ZNF407: variants seen among roughly 807,000 people sequenced by gnomAD.
The protein encoded by ZNF407 is zinc finger protein 407.
ZNF407 carries 17 observed loss-of-function variants against 131.2 expected under a neutral mutation model. That is an observed-to-expected ratio of 0.13 (90% CI 0.09 to 0.19). ZNF407 has a LOEUF of 0.19. Ranked by LOEUF, ZNF407 falls within the 10% of genes least tolerant of loss-of-function variation. The pLI, the probability that ZNF407 is intolerant of heterozygous loss-of-function variation, is 1.00. For missense variants in ZNF407, 2,681 were observed against 2,830.6 expected (o/e 0.95, Z 1.20); for synonymous variants, 1,156 against 1,062.0 (o/e 1.09, Z -1.72).
chr18:74,709,511 G>A (rs189905224), intron 3 of ZNF407, among the ~76,000 whole-genome samples: 50 of 152,298 alleles, frequency 3.3e-4, no homozygotes, highest in Admixed American at 1.5e-3. Context: ...ATGATTAAAT[G>A]GTTAAGCTGC....
At chr18:74,743,845 TTGTGA>T (rs1403022051) in intron 3 of ZNF407, among the ~76,000 whole-genome samples, 1 of 152,036 alleles carries the variant, frequency 6.6e-6, no homozygotes, top group African/African-American at 2.4e-5. Flanking sequence ...ATTTTTGAAA[TTGTGA>T]TGTGTTTTAG....
At chr18:74,937,416 C>T (rs1972051021) in intron 8 of ZNF407, among the ~76,000 whole-genome samples, 1 of 152,126 alleles carries the variant, frequency 6.6e-6, no homozygotes, top group South Asian at 2.1e-4. Flanking sequence ...AAGACTAGCA[C>T]TAGAGTTTGA....
intron 3 of ZNF407, among the ~76,000 whole-genome samples, chr18:74,721,267 C>A (rs771361599): frequency 1.3e-5 from 2 of 151,892 alleles, no homozygotes; most frequent in East Asian, 3.9e-4. Flanking sequence ...CTGTTGTAAA[C>A]GGGACCACTT....
intron 4 of ZNF407, among the ~76,000 whole-genome samples, chr18:74,866,053 C>T (rs73971187): frequency 0.026 from 3,986 of 152,230 alleles, 173 homozygotes; most frequent in African/African-American, 0.089. Flanking sequence ...TTTGTATTTT[C>T]CCTTGAACTT....
intron 3 of ZNF407, among the ~76,000 whole-genome samples, chr18:74,723,814 G>T (rs1454177495): frequency 1.3e-5 from 2 of 151,862 alleles, no homozygotes; most frequent in African/African-American, 2.4e-5. Context: ...GGATATATTT[G>T]CATCATGGTT....
At chr18:74,785,190 T>G (rs1279350705) in intron 4 of ZNF407, among the ~76,000 whole-genome samples, 2 of 152,156 alleles carry the variant, frequency 1.3e-5, no homozygotes, top group Non-Finnish European at 2.9e-5. Context: ...AAACCTTACG[T>G]ATTTCTTCCA....
At position 74,793,301 on chromosome 18, in the gene ZNF407, A is replaced by C. The variant is rs1001371183; in HGVS notation, c.4877+11799A>C. On this transcript the variant is annotated intron_variant, in intron 4 of 8. Transcript: ENST00000299687. ...AGAAATACAAGTTTGGCATAAATCA[A>C]TGTCTGGAGTGTAATATTTTTAGTT... Among the ~76,000 whole-genome samples the C allele has an allele frequency of 2.6e-5, 4 of 152,222 alleles. 1 individual carries two copies. The highest frequency in any genetic ancestry group is 9.6e-5 in the African/African-American group (4 of 41,458).
chr18:74,987,517 C>G (rs866828892), intron 8 of ZNF407, among the ~76,000 whole-genome samples: 4 of 152,104 alleles, frequency 2.6e-5, no homozygotes, highest in South Asian at 4.1e-4. Context: ...CTCTATTGAT[C>G]GGGCTCTGTT....
intron 4 of ZNF407, among the ~76,000 whole-genome samples, chr18:74,847,514 C>G (rs1371148456): frequency 6.6e-6 from 1 of 152,206 alleles, no homozygotes; most frequent in Non-Finnish European, 1.5e-5. Context: ...CAAAATCTTA[C>G]TGGTTCTCAT....
chr18:74,975,904 A>G (rs1972522856), intron 8 of ZNF407, among the ~76,000 whole-genome samples: 1 of 152,230 alleles, frequency 6.6e-6, no homozygotes, highest in African/African-American at 2.4e-5. Context: ...GTTCACAGAG[A>G]TGAACTAGAT....
intron 4 of ZNF407, among the ~76,000 whole-genome samples, chr18:74,794,698 A>G (rs892201532): frequency 3.9e-5 from 6 of 152,288 alleles, no homozygotes; most frequent in African/African-American, 1.4e-4. Context: ...CTGTATCTCC[A>G]TATTTTATAA....
At chr18:74,935,446 C>A (rs1456482511) in intron 8 of ZNF407, among the ~76,000 whole-genome samples, 1 of 152,024 alleles carries the variant, frequency 6.6e-6, no homozygotes, top group Non-Finnish European at 1.5e-5. Context: ...TTTAGATTAA[C>A]CTTGTTGTTC....
chr18:74,617,299 C>A (rs1464533605), intron 1 of ZNF407, among the ~76,000 whole-genome samples: 1 of 152,188 alleles, frequency 6.6e-6, no homozygotes, highest in Non-Finnish European at 1.5e-5. Context: ...TTTTCTCTTA[C>A]GTGACTGTGG....
At chr18:74,799,921 T>TTTA (rs1204976308) in intron 4 of ZNF407, among the ~76,000 whole-genome samples, 1 of 150,210 alleles carries the variant, frequency 6.7e-6, no homozygotes, top group African/African-American at 2.4e-5. Flanking sequence ...TTTTTTTTTT[T>TTTA]AACCATTTTA....
chr18:74,829,094 G>A (rs545310354), intron 4 of ZNF407, among the ~76,000 whole-genome samples: 56 of 152,204 alleles, frequency 3.7e-4, no homozygotes, highest in Non-Finnish European at 6.3e-4. Context: ...TTCATGTCCC[G>A]TATTTTAATA....
chr18:74,764,335 A>G (rs957350399), intron 3 of ZNF407, among the ~76,000 whole-genome samples: 1 of 152,094 alleles, frequency 6.6e-6, no homozygotes, highest in Non-Finnish European at 1.5e-5. Flanking sequence ...CAAGGTCACT[A>G]TTCTTCTGGA....
chr18:74,800,968 T>C (rs558566262), intron 4 of ZNF407, among the ~76,000 whole-genome samples: 48 of 152,258 alleles, frequency 3.2e-4, no homozygotes, highest in African/African-American at 1.2e-3. Context: ...CCGTTTTTTT[T>C]TAAACTCTAT....
At chr18:74,789,239 T>C (rs1020259548) in intron 4 of ZNF407, among the ~76,000 whole-genome samples, 1 of 151,966 alleles carries the variant, frequency 6.6e-6, no homozygotes, top group Non-Finnish European at 1.5e-5. Flanking sequence ...CGAAGGGCCT[T>C]GTTGTGTTTG....
chr18:74,735,298 A>G (rs1343875356), intron 3 of ZNF407, among the ~76,000 whole-genome samples: 1 of 152,194 alleles, frequency 6.6e-6, no homozygotes, highest in Non-Finnish European at 1.5e-5. Context: ...TTCCACGCCT[A>G]GTAGCTGATA....
Sources: gnomAD v4.1 joint callset for allele counts (sites outside exome capture counted in the v4.1 genomes callset) on GRCh38, gnomAD v4.1.1 for gene constraint, MANE v1.5 for transcripts, NCBI Gene and HGNC (gene_info 2026-07-23, HGNC 2026-07-21) for gene names.